TMEM235: variants seen among roughly 807,000 people sequenced by gnomAD.
TMEM235 encodes the protein claudin-27.
In TMEM235, 23 loss-of-function variants were observed where a neutral mutation model predicts 22.9. The ratio of observed to expected loss-of-function variants is 1.00; its 90% CI spans 0.72 to 1.42. The LOEUF is 1.42. Ranked by LOEUF, TMEM235 falls within the 40% of genes most tolerant of loss-of-function variation. The probability of loss-of-function intolerance (pLI) is 0.00; values close to 1 mark genes in which losing one functional copy is unlikely to be tolerated. For synonymous variants in TMEM235, 137 were observed against 140.5 expected (o/e 0.98, Z 0.17); for missense variants, 308 against 299.5 (o/e 1.03, Z -0.21).
exon 2 of TMEM235, chr17:78,232,165 C>A: frequency 1.3e-6 from 2 of 1,486,408 alleles, no homozygotes; most frequent in African/African-American, 1.5e-5. Flanking sequence ...CTGGCCCGGG[C>A]GCGCAGAGCT....
Position 78,231,629 on chromosome 17 carries a change from T to C in TMEM235, c.-395T>C, listed in dbSNP as rs2076579781. The C allele has an allele frequency of 7.7e-7, 1 of 1,303,230 alleles. No individual in the cohort carries two copies. Among genetic ancestry groups the C allele is most frequent in the African/African-American group, 1.5e-5 (1 of 65,792 alleles). The allele number at this position is 1,303,230 out of a possible 1,614,324, so 80.7% of individuals were successfully genotyped here. ...CTCTGGCCGATCCTCCCTCCTCCTC[T>C]CAAGCCCTGCACAGCCCGGCCAGGC... On this transcript the variant is annotated 5_prime_UTR_variant, in exon 2 of 6. Coordinates refer to ENST00000421688, the Ensembl canonical transcript of TMEM235.
chr17:78,232,334 C>A, intron 2 of TMEM235, 121 bp downstream of exon 1: 1 of 966,652 alleles, frequency 1.0e-6, no homozygotes, highest in Non-Finnish European at 1.4e-6. Context: ...TCTTGCATCC[C>A]GCTCTGCCCC....
intron 2 of TMEM235, among the ~76,000 whole-genome samples, chr17:78,233,201 G>A (rs1323474179): frequency 6.6e-6 from 1 of 152,250 alleles, no homozygotes. Context: ...GAACCAGAGA[G>A]TATGTATGCC....
At chr17:78,234,646 T>A in exon 4 of TMEM235, 2 of 1,536,198 alleles carry the variant, frequency 1.3e-6, no homozygotes, top group South Asian at 2.4e-5. Flanking sequence ...CCTTCTCGTG[T>A]GTGGCTGGAT....
chr17:78,235,439 C>T (rs544143926), intron 4 of TMEM235, among the ~76,000 whole-genome samples: 131 of 152,140 alleles, frequency 8.6e-4, no homozygotes, highest in Non-Finnish European at 1.5e-3. Context: ...AGGCATGCGC[C>T]ACCACACCCA....
In TMEM235 at chr17:78,238,696, G is replaced by C. The variant is rs543621409; in HGVS notation, c.410-328G>C. ...TTATGTGAGTGGGAACCATGTTGAG[G>C]GGCAGGTGGCACTGTTTGCAGGAGG... On this transcript the variant is annotated intron_variant, in intron 4 of 5. Transcript: ENST00000421688. This position sits in a 1 kb window ranked among gnomAD's most constrained non-coding sequence, Gnocchi z 4.3. Among the ~76,000 whole-genome samples, 52 of 151,854 alleles carry C rather than the reference G, an allele frequency of 3.4e-4. No individual in the cohort carries two copies. Among genetic ancestry groups the C allele is most frequent in the Admixed American group, 1.6e-3 (24 of 15,234 alleles).
rs1307818897 is a variant in TMEM235 at position 78,238,993 on chromosome 17, C to A, written c.410-31C>A. 9.8e-6 allele frequency: 15 copies of A among 1,523,382 alleles called. No individual in the cohort carries two copies. Among genetic ancestry groups the A allele is most frequent in the Middle Eastern group, 1.7e-4 (1 of 5,952 alleles). 94.4% of individuals were successfully genotyped at this position (1,523,382 alleles called of 1,614,324 possible). On this transcript the variant is annotated intron_variant, in intron 4 of 5. Coordinates refer to ENST00000421688, the Ensembl canonical transcript of TMEM235. The surrounding 1 kb of genome is among the most constrained non-coding windows in gnomAD (Gnocchi z 4.3). ...GGCCTGGGCCCGCTAGAGCAGACAC[C>A]GAGCAGCTGCCCTCCCCATCTCTCC...
At chr17:78,235,428 C>T (rs1233979375) in intron 4 of TMEM235, among the ~76,000 whole-genome samples, 2 of 151,926 alleles carry the variant, frequency 1.3e-5, no homozygotes, top group African/African-American at 4.8e-5. Flanking sequence ...GCTGGGATTA[C>T]AGGCATGCGC....
Position 78,234,546 on chromosome 17 carries a change from A to AGG in TMEM235, c.272-45_272-44dup, listed in dbSNP as rs911768755. 3.9e-6 allele frequency: 6 copies of AGG among 1,533,278 alleles called. No homozygotes were observed. In the Admixed American group the frequency reaches 9.8e-5, roughly 25 times the overall value. The allele number at this position is 1,533,278 out of a possible 1,614,324, so 95.0% of individuals were successfully genotyped here. On this transcript the variant is annotated intron_variant, in intron 3 of 5. Coordinates refer to ENST00000421688, the Ensembl canonical transcript of TMEM235. ...CTGTCCTCCGGCAGACAAGTGCTGA[A>AGG]GGGCCCACCTGGACCAGAATTCTCA...
intron 4 of TMEM235, among the ~76,000 whole-genome samples, chr17:78,236,862 G>C (rs974545057): frequency 2.0e-5 from 3 of 151,562 alleles, no homozygotes; most frequent in Admixed American, 6.6e-5. Flanking sequence ...CAGGCCACAT[G>C]AGAACAACAG....
At chr17:78,231,476 G>A in exon 2 of TMEM235, 1 of 1,303,504 alleles carries the variant, frequency 7.7e-7, no homozygotes, top group Non-Finnish European at 1.0e-6. Flanking sequence ...TTCACCGGAT[G>A]CCGTCTGGTT....
At position 78,234,648 on chromosome 17, in the gene TMEM235, T is replaced by A; in HGVS notation, c.327T>A (p.Cys109Ter). 4 of 1,536,028 alleles carry A rather than the reference T, an allele frequency of 2.6e-6. No individual in the cohort carries two copies. Among genetic ancestry groups the A allele is most frequent in the Non-Finnish European group, 3.5e-6 (4 of 1,146,882 alleles). Residue 109 changes from cysteine (C) to a stop codon, truncating the protein, a stop_gained, in exon 4 of 6, where the codon TGT becomes TGA. Coordinates refer to ENST00000421688, the Ensembl canonical transcript of TMEM235. LOFTEE classifies it high-confidence loss of function. ...CCCTGAGCCTGGTCCTTCTCGTGTG[T>A]GGCTGGATCTGCGGCCTGCTCAGCT...
At chr17:78,233,895 G>T in exon 3 of TMEM235, 2 of 1,535,912 alleles carry the variant, frequency 1.3e-6, no homozygotes, top group Non-Finnish European at 1.7e-6. Context: ...TGTTTCCCAG[G>T]GCAGAACGGC....
chr17:78,233,288 C>T (rs934170093), intron 2 of TMEM235, among the ~76,000 whole-genome samples: 1 of 152,246 alleles, frequency 6.6e-6, no homozygotes, highest in Admixed American at 6.5e-5. Context: ...TCCTTTCAGG[C>T]AAAGCCTGAG....
At chr17:78,234,333 A>G in intron 3 of TMEM235, 1 of 701,548 alleles carries the variant, frequency 1.4e-6, no homozygotes, top group East Asian at 2.7e-5. Flanking sequence ...CCTGGCTGGC[A>G]CCTTCCACCT....
chr17:78,239,139 C>T (rs1431831266), exon 5 of TMEM235: 18 of 1,542,888 alleles, frequency 1.2e-5, no homozygotes, highest in East Asian at 4.9e-5. Context: ...TCAGCTTCGG[C>T]TGGTCCATGG....
At chr17:78,231,928 GCCCGCCC>G (rs1260786434) in exon 2 of TMEM235, 12 of 976,592 alleles carry the variant, frequency 1.2e-5, no homozygotes, top group African/African-American at 1.8e-5. Context: ...CGCCGCGCCC[GCCCGCCC>G]CCCGTCCCCC....
rs1405995286 is a variant in TMEM235, at chr17:78,237,843, A to G, written c.410-1181A>G. Among the ~76,000 whole-genome samples the G allele has an allele frequency of 6.6e-6, 1 of 152,014 alleles. No homozygotes were observed. The highest frequency in any genetic ancestry group is 2.4e-5 in the African/African-American group (1 of 41,380). On this transcript the variant is annotated intron_variant, in intron 4 of 5. Transcript: ENST00000421688. The surrounding 1 kb of genome is among the most constrained non-coding windows in gnomAD (Gnocchi z 4.7). ...GTGTCCTCCCTCCCTCAGCCTCCCC[A>G]TGCCTTCTTCTCCCCACTCTCTGTC...
rs1034665046 is a variant in TMEM235, at chr17:78,237,709, C to T, written c.410-1315C>T. 6.6e-6 allele frequency among the ~76,000 whole-genome samples: 1 copy of T among 152,002 alleles called. No homozygotes were observed. Among genetic ancestry groups the T allele is most frequent in the Non-Finnish European group, 1.5e-5 (1 of 67,970 alleles). ...AGCCCCCGCTGCTGGGGGCTGACCC[C>T]CACCCCTGCTTCTCCCAGGGACCGC... On this transcript the variant is annotated intron_variant, in intron 4 of 5. Coordinates refer to ENST00000421688, the Ensembl canonical transcript of TMEM235. This position sits in a 1 kb window ranked among gnomAD's most constrained non-coding sequence, Gnocchi z 4.7.
Sources: allele counts gnomAD v4.1 joint callset (sites outside exome capture counted in the v4.1 genomes callset), GRCh38; gene constraint gnomAD v4.1.1; non-coding constraint Gnocchi (gnomAD v3.1); transcripts MANE v1.5; gene names NCBI Gene and HGNC (gene_info 2026-07-23, HGNC 2026-07-21).